SPNS2: variants seen among roughly 807,000 people sequenced by gnomAD.
SPNS2 encodes sphingosine-1-phosphate transporter SPNS2.
In SPNS2, 37 loss-of-function variants were observed where a neutral mutation model predicts 57.6. The ratio of observed to expected loss-of-function variants is 0.64; its 90% CI spans 0.49 to 0.85. The LOEUF is 0.85. SPNS2 is among the 40% of genes least tolerant of loss of function. The pLI is 0.00. For synonymous variants in SPNS2, 440 were observed against 346.9 expected, an observed-to-expected ratio of 1.27 and a Z score of -2.98; for missense variants, 831 against 779.1, an observed-to-expected ratio of 1.07 and a Z score of -0.79.
chr17:4,517,633 G>A (rs1171585058), intron 2 of SPNS2, among the ~76,000 whole-genome samples: 1 of 152,012 alleles, frequency 6.6e-6, no homozygotes, highest in South Asian at 2.1e-4. Context: ...TCCAGCCTGG[G>A]TAACAAGACC....
rs1555538176 is a variant in SPNS2 at position 4,536,433 on chromosome 17, G to GGA, written c.1607+8_1607+9insAG. ...GCGCCAGGGCTGAGCAGCAGTGAGT[G>GGA]GGGGGGAGGGGAGGCCCTGCTGCAC... On this transcript the variant is annotated splice_region_variant and intron_variant, in intron 11 of 12. Transcript: ENST00000329078. The GGA allele has an allele frequency of 4.0e-6, 6 of 1,500,366 alleles. No homozygotes were observed. Among genetic ancestry groups the GGA allele is most frequent in the Non-Finnish European group, 5.4e-6 (6 of 1,119,268 alleles). The allele number at this position is 1,500,366 out of a possible 1,614,324, so 92.9% of individuals were successfully genotyped here. A position where few individuals can be genotyped will look rare whatever the true frequency, so the allele number is the denominator to read the frequency against.
rs528070647 is a variant in SPNS2, at chr17:4,537,917, C to G, written c.*469C>G. ...TACGGAGAGCAGGTGGCCCAGGCCT[C>G]AGGGCGGCAGTCCCGGCTTTGAGGC... On this transcript the variant is annotated 3_prime_UTR_variant, in exon 13 of 13. Coordinates refer to ENST00000329078, the MANE Select transcript of SPNS2 (RefSeq NM_001124758.3). The G allele has an allele frequency of 2.5e-6, 1 of 401,774 alleles. No homozygotes were observed. Among genetic ancestry groups the G allele is most frequent in the African/African-American group, 2.1e-5 (1 of 48,540 alleles). The allele number at this position is 401,774 out of a possible 1,614,324, so 24.9% of individuals were successfully genotyped here.
intron 2 of SPNS2, among the ~76,000 whole-genome samples, chr17:4,518,501 C>A (rs564421379): frequency 3.3e-5 from 5 of 152,100 alleles, no homozygotes; most frequent in African/African-American, 7.2e-5. Context: ...CCAGCCTGGG[C>A]GACAGAGCGA....
intron 1 of SPNS2, among the ~76,000 whole-genome samples, chr17:4,503,450 G>A (rs939199788): frequency 1.3e-5 from 2 of 152,208 alleles, no homozygotes; most frequent in Non-Finnish European, 2.9e-5. Flanking sequence ...CTCAGACGGG[G>A]GTCTCACGCC....
intron 1 of SPNS2, 85 bp from the exon 2 acceptor site, chr17:4,513,162 T>C: frequency 6.7e-7 from 1 of 1,483,060 alleles, no homozygotes; most frequent in Non-Finnish European, 9.4e-7. Context: ...GGCTGGGCCC[T>C]GCAAGGCGGG....
At chr17:4,534,929 G>A (rs1329395644) in intron 9 of SPNS2, among the ~76,000 whole-genome samples, 4 of 152,258 alleles carry the variant, frequency 2.6e-5, no homozygotes, top group East Asian at 3.9e-4. Flanking sequence ...CGGGGAAATC[G>A]CGTCCCGGTT....
At position 4,532,923 on chromosome 17, in the gene SPNS2, TA is replaced by T. The variant is rs1905559061; in HGVS notation, c.936-53del. 6 of 1,576,692 alleles carry T rather than the reference TA, an allele frequency of 3.8e-6. 1 individual carries two copies. The South Asian group carries it at 7.0e-5, about 18-fold the overall frequency. On this transcript the variant is annotated intron_variant, in intron 6 of 12. Transcript: ENST00000329078. Reference sequence around the variant, plus strand: ...TGTTCCCCCAGTGCATGGGGCTGCCTAGGGGGGTGAAGGAGGTCCCTGAGCT... The same window carrying T: ...TGTTCCCCCAGTGCATGGGGCTGCCTGGGGGGTGAAGGAGGTCCCTGAGCT...
chr17:4,502,048 A>G (rs572995904), intron 1 of SPNS2, among the ~76,000 whole-genome samples: 1 of 152,298 alleles, frequency 6.6e-6, no homozygotes, highest in Non-Finnish European at 1.5e-5. Flanking sequence ...ATTTAACTCA[A>G]TATATCCAAC....
intron 2 of SPNS2, among the ~76,000 whole-genome samples, chr17:4,516,354 G>T (rs971540902): frequency 8.4e-6 from 1 of 119,412 alleles, no homozygotes; most frequent in Non-Finnish European, 1.7e-5. Flanking sequence ...CAAAAAAACC[G>T]CTCATAGGTT....
intron 5 of SPNS2, 85 bp from the exon 6 acceptor site, chr17:4,532,457 G>A (rs925146310): frequency 4.5e-5 from 71 of 1,590,502 alleles, no homozygotes; most frequent in Admixed American, 1.7e-4. Flanking sequence ...GCCCAGAGAA[G>A]GCATGGGCTT....
intron 5 of SPNS2, among the ~76,000 whole-genome samples, chr17:4,531,687 TG>T (rs1157871878): frequency 2.8e-5 from 3 of 108,038 alleles, no homozygotes; most frequent in East Asian, 4.7e-4. Context: ...CTTAGTGGGG[TG>T]GGGGGATGGG....
rs201243865 is a variant in SPNS2 at position 4,532,924 on chromosome 17, AG to A, written c.936-47del. 3,778 of 1,576,346 alleles carry A rather than the reference AG, an allele frequency of 2.4e-3. 60 individuals are homozygous for A. The African/African-American group carries it at 0.045, about 19-fold the overall frequency. The stretch of plus-strand genomic sequence containing the variant: ...GTTCCCCCAGTGCATGGGGCTGCCT[AG>A]GGGGGTGAAGGAGGTCCCTGAGCTC... On this transcript the variant is annotated intron_variant, in intron 6 of 12. Coordinates refer to ENST00000329078, the MANE Select transcript of SPNS2 (RefSeq NM_001124758.3).
chr17:4,537,878 C>CA lies in SPNS2; in HGVS notation c.*431dup, dbSNP rs1388182031. On this transcript the variant is annotated 3_prime_UTR_variant, in exon 13 of 13. Coordinates refer to ENST00000329078, the MANE Select transcript of SPNS2 (RefSeq NM_001124758.3). ...ACGATCTGCAGCTTTGAAGACTCAA[C>CA]AGACCCTGGACCATACGGAGAGCAG... The CA allele has an allele frequency of 2.2e-6, 1 of 449,670 alleles. No homozygotes were observed. Among genetic ancestry groups the CA allele is most frequent in the African/African-American group, 2.0e-5 (1 of 49,942 alleles). 27.9% of individuals were successfully genotyped at this position (449,670 alleles called of 1,614,324 possible).
chr17:4,501,356 T>C (rs1467057130), intron 1 of SPNS2, among the ~76,000 whole-genome samples: 3 of 152,190 alleles, frequency 2.0e-5, no homozygotes, highest in Non-Finnish European at 4.4e-5. Flanking sequence ...CTGGCACTTA[T>C]CTGCTCCCAC....
chr17:4,517,056 C>T (rs1048518220), intron 2 of SPNS2, among the ~76,000 whole-genome samples: 1 of 152,214 alleles, frequency 6.6e-6, no homozygotes, highest in Non-Finnish European at 1.5e-5. Flanking sequence ...GGGGTTTCTT[C>T]GTTCTAACCG....
intron 1 of SPNS2, among the ~76,000 whole-genome samples, chr17:4,506,561 A>G (rs1010822011): frequency 4.6e-5 from 7 of 152,172 alleles, no homozygotes; most frequent in Non-Finnish European, 7.4e-5. Context: ...ATGATAGACT[A>G]GAACCACAGG....
Position 4,533,402 on chromosome 17 carries a change from G to GA in SPNS2, c.1248_1249insA (p.Ala417SerfsTer23). ...CCATCTTCATCTGCCTGATCTTCGT[G>GA]GCTGCCAAGAGCAGCATCGTAGGAG... On this transcript the variant is annotated frameshift_variant, in exon 8 of 13. Coordinates refer to ENST00000329078, the MANE Select transcript of SPNS2 (RefSeq NM_001124758.3). LOFTEE classifies it high-confidence loss of function. 1 of 1,608,796 alleles carries GA rather than the reference G, an allele frequency of 6.2e-7. No individual in the cohort carries two copies. The highest frequency in any genetic ancestry group is 8.5e-7 in the Non-Finnish European group (1 of 1,178,052).
In SPNS2 at chr17:4,538,896, T is replaced by A. The variant is rs374758866; in HGVS notation, c.*1448T>A. The A allele has an allele frequency of 1.3e-6, 1 of 781,362 alleles. No homozygotes were observed. The allele number at this position is 781,362 out of a possible 1,614,324, so 48.4% of individuals were successfully genotyped here. Reference sequence around the variant, plus strand: ...GTTTTCTTGTTGTACAAGAACCAGGTCCGAGTGTTGCCTCCTCTTCCTTCC... The same window carrying A: ...GTTTTCTTGTTGTACAAGAACCAGGACCGAGTGTTGCCTCCTCTTCCTTCC... On this transcript the variant is annotated 3_prime_UTR_variant, in exon 13 of 13. Transcript: ENST00000329078.
At chr17:4,506,029 C>T (rs1237944541) in intron 1 of SPNS2, among the ~76,000 whole-genome samples, 3 of 152,188 alleles carry the variant, frequency 2.0e-5, no homozygotes, top group Non-Finnish European at 4.4e-5. Flanking sequence ...ACAGCTGTTT[C>T]CAGCATCCGT....
Sources: allele counts gnomAD v4.1 joint callset (sites outside exome capture counted in the v4.1 genomes callset), GRCh38; gene constraint gnomAD v4.1.1; transcripts MANE v1.5; gene names NCBI Gene and HGNC (gene_info 2026-07-23, HGNC 2026-07-21).